ENTREP2: variants seen among roughly 807,000 people sequenced by gnomAD.
The protein encoded by ENTREP2 is endosomal transmembrane epsin interactor 2.
the ENTREP2 span, among the ~76,000 whole-genome samples, chr15:29,336,612 T>C: frequency 6.9e-6 from 1 of 144,944 alleles, no homozygotes; most frequent in East Asian, 2.1e-4. Context: ...CGCCCAGCCT[T>C]AGTATGTTTT....
chr15:29,299,549 C>G, the ENTREP2 span, among the ~76,000 whole-genome samples: 1 of 152,164 alleles, frequency 6.6e-6, no homozygotes, highest in African/African-American at 2.4e-5. Flanking sequence ...TAGACATCCA[C>G]CTGGCTGGAC....
At chr15:29,238,680 T>C in the ENTREP2 span, among the ~76,000 whole-genome samples, 830 of 151,822 alleles carry the variant, frequency 5.5e-3, 3 homozygotes, top group African/African-American at 0.019. Flanking sequence ...CCACAGGCTA[T>C]ACAAGAAGCA....
chr15:29,427,086 TG>T, the ENTREP2 span, among the ~76,000 whole-genome samples: 13 of 152,194 alleles, frequency 8.5e-5, no homozygotes, highest in African/African-American at 2.9e-4. Flanking sequence ...TGATTTATTT[TG>T]TTATATTTAA....
the ENTREP2 span, among the ~76,000 whole-genome samples, chr15:29,164,125 C>T: frequency 2.6e-5 from 4 of 152,082 alleles, no homozygotes; most frequent in South Asian, 4.1e-4. Context: ...TGAGAGAATT[C>T]GTCACTAACA....
the ENTREP2 span, among the ~76,000 whole-genome samples, chr15:29,530,770 C>T: frequency 1.6e-4 from 25 of 152,278 alleles, no homozygotes; most frequent in African/African-American, 5.5e-4. Context: ...TTTTTGGAAT[C>T]GTAAGTGAGA....
chr15:29,603,648 T>A, the ENTREP2 span, among the ~76,000 whole-genome samples: 3 of 152,052 alleles, frequency 2.0e-5, no homozygotes, highest in East Asian at 3.9e-4. Context: ...TTAATTTATT[T>A]ATTTATTTGA....
At chr15:29,452,508 G>A in the ENTREP2 span, 3 of 152,224 alleles carry the variant, frequency 2.0e-5, no homozygotes, top group Non-Finnish European at 4.4e-5. Context: ...ATCTGCTTCT[G>A]TTTTCTTGGT....
chr15:29,672,899 T>A, the ENTREP2 span, among the ~76,000 whole-genome samples: 70 of 152,206 alleles, frequency 4.6e-4, 1 homozygote, highest in African/African-American at 1.7e-3. Flanking sequence ...GGCAAGTCCA[T>A]CAAGTTGGTG....
the ENTREP2 span, among the ~76,000 whole-genome samples, chr15:29,173,868 T>G: frequency 1.3e-5 from 2 of 152,124 alleles, no homozygotes; most frequent in African/African-American, 4.8e-5. Context: ...ATAATATGTC[T>G]TATAATCTTT....
the ENTREP2 span, among the ~76,000 whole-genome samples, chr15:29,524,957 G>T: frequency 6.6e-6 from 1 of 152,208 alleles, no homozygotes; most frequent in Non-Finnish European, 1.5e-5. Context: ...TGTGCTCTCA[G>T]GCGATATATG....
the ENTREP2 span, among the ~76,000 whole-genome samples, chr15:29,151,558 C>T: frequency 6.6e-6 from 1 of 152,218 alleles, no homozygotes; most frequent in African/African-American, 2.4e-5. Flanking sequence ...AAAATAAATA[C>T]ATCAGCGGCG....
the ENTREP2 span, among the ~76,000 whole-genome samples, chr15:29,304,645 A>G: frequency 6.6e-6 from 1 of 152,182 alleles, no homozygotes; most frequent in Non-Finnish European, 1.5e-5. Flanking sequence ...CTCTCTGCTT[A>G]ACACCTCCCA....
the ENTREP2 span, among the ~76,000 whole-genome samples, chr15:29,561,422 T>C: frequency 3.9e-5 from 6 of 152,150 alleles, no homozygotes; most frequent in Non-Finnish European, 7.4e-5. Flanking sequence ...GTGTGGTGGC[T>C]CACGCCTGTA....
the ENTREP2 span, among the ~76,000 whole-genome samples, chr15:29,619,257 T>A: frequency 8.5e-5 from 13 of 152,256 alleles, no homozygotes; most frequent in South Asian, 2.7e-3. Flanking sequence ...CCAGGTGTGG[T>A]CGCTGGCGCC....
the ENTREP2 span, among the ~76,000 whole-genome samples, chr15:29,662,193 G>A: frequency 7.6e-5 from 11 of 144,002 alleles, no homozygotes; most frequent in East Asian, 2.0e-3. Flanking sequence ...CCTGGGTGAT[G>A]GGAGTGAAAC....
At chr15:29,372,261 C>T in the ENTREP2 span, among the ~76,000 whole-genome samples, 4 of 152,084 alleles carry the variant, frequency 2.6e-5, no homozygotes, top group South Asian at 2.1e-4. Context: ...ACGATGAGGA[C>T]GAAGGCCTTT....
chr15:29,310,943 C>T, the ENTREP2 span, among the ~76,000 whole-genome samples: 1 of 152,030 alleles, frequency 6.6e-6, no homozygotes, highest in Non-Finnish European at 1.5e-5. Flanking sequence ...AATTTAGAAA[C>T]AGCAAGGAAC....
At chr15:29,587,482 T>C in the ENTREP2 span, among the ~76,000 whole-genome samples, 3 of 152,298 alleles carry the variant, frequency 2.0e-5, no homozygotes, top group Admixed American at 6.5e-5. Flanking sequence ...CATTCAAACC[T>C]ACCAAATATG....
the ENTREP2 span, among the ~76,000 whole-genome samples, chr15:29,475,532 A>G: frequency 0.048 from 7,323 of 152,246 alleles, 191 homozygotes; most frequent in Middle Eastern, 0.088. Context: ...GGGCAGAGGA[A>G]AAAACACAAC....
Sources: allele counts gnomAD v4.1 joint callset (sites outside exome capture counted in the v4.1 genomes callset), GRCh38; gene constraint gnomAD v4.1.1; transcripts MANE v1.5; gene names NCBI Gene and HGNC (gene_info 2026-07-23, HGNC 2026-07-21).